Variants in DDI2 observed in about 807,000 individuals in gnomAD.
DDI2 encodes the protein protein DDI1 homolog 2.
DDI2 carries 5 observed loss-of-function variants against 48.1 expected under a neutral mutation model. The observed-to-expected ratio is 0.10, with a 90% CI of 0.05 to 0.22. DDI2 has a LOEUF of 0.22. Ranked by LOEUF, DDI2 falls within the 10% of genes least tolerant of loss-of-function variation. DDI2 has a pLI of 1.00. For missense variants in DDI2, 285 were observed against 506.2 expected (o/e 0.56, Z 4.19); for synonymous variants, 205 against 183.6 (o/e 1.12, Z -0.94).
chr1:15,620,837 G>A (rs1639649020), intron 1 of DDI2, among the ~76,000 whole-genome samples: 1 of 152,172 alleles, frequency 6.6e-6, no homozygotes, highest in Admixed American at 6.6e-5. Flanking sequence ...CTTAAGGAAG[G>A]ACGAACTAAA....
chr1:15,643,422 T>C (rs1466410236), intron 5 of DDI2, 100 bp from the exon 6 acceptor site: 5 of 1,504,746 alleles, frequency 3.3e-6, no homozygotes, highest in Non-Finnish European at 4.5e-6. Flanking sequence ...AGCCTTGGGG[T>C]GTGCTTGGTT....
rs1640448691 is a variant in DDI2 at position 15,666,088 on chromosome 1, T to TC, written c.*6301dup. ...AGAGAAAATAAAAATAGCTTTTTTT[T>TC]CCCTAGAATTGCTAATTACTCTTAA... On this transcript the variant is annotated 3_prime_UTR_variant, in exon 10 of 10. Coordinates refer to ENST00000480945, the MANE Select transcript of DDI2 (RefSeq NM_032341.5). The TC allele has an allele frequency of 6.6e-6, 1 of 152,304 alleles. No individual in the cohort carries two copies. Among genetic ancestry groups the TC allele is most frequent in the East Asian group, 1.9e-4 (1 of 5,194 alleles). 9.4% of individuals were successfully genotyped at this position (152,304 alleles called of 1,614,324 possible). A position where few individuals can be genotyped will look rare whatever the true frequency, so the allele number is the denominator to read the frequency against.
chr1:15,626,545 G>GTGGGAA (rs1639757797), intron 1 of DDI2, 124 bp from the exon 2 acceptor site: 1 of 1,367,542 alleles, frequency 7.3e-7, no homozygotes, highest in East Asian at 2.4e-5. Flanking sequence ...TCTGGATGTG[G>GTGGGAA]TGGGAATCCA....
chr1:15,630,849 T>C lies in DDI2; in HGVS notation c.505+288T>C, dbSNP rs150665153. 8.9e-4 allele frequency among the ~76,000 whole-genome samples: 136 copies of C among 152,330 alleles called. 2 individuals are homozygous for C. The East Asian group carries it at 0.023, about 25-fold the overall frequency. On this transcript the variant is annotated intron_variant, in intron 3 of 9. Transcript: ENST00000480945. ...TAGGTACTGATTTTTGTTTGTTTCT[T>C]TGTTTTTTCTTTGAGACGGAGTCTT...
chr1:15,658,711 G>T (rs1232114295), intron 9 of DDI2, among the ~76,000 whole-genome samples: 2 of 150,640 alleles, frequency 1.3e-5, no homozygotes, highest in Non-Finnish European at 2.9e-5. Flanking sequence ...CTCAGATGGC[G>T]CCATTGTACT....
In DDI2 at chr1:15,630,523, A is replaced by G. The variant is rs368189349; in HGVS notation, c.467A>G (p.Asn156Ser). 2.5e-6 allele frequency: 4 copies of G among 1,614,144 alleles called. No individual in the cohort carries two copies. Among genetic ancestry groups the G allele is most frequent in the Non-Finnish European group, 3.4e-6 (4 of 1,179,978 alleles). Reference protein sequence around the residue: ...PHELSLLKERNPPLAEALLSG... With the variant: ...PHELSLLKERSPPLAEALLSG... ...GAGCTGTCCTTGCTGAAGGAACGCA[A>G]TCCACCCCTGGCAGAAGCTCTGCTC... Residue 156 changes from asparagine to serine, a missense_variant, in exon 3 of 10, where the codon AAT (asparagine) becomes AGT (serine). Around this residue, in one of 3 missense-constraint regions of DDI2, gnomAD observed 149 missense variants for 236.5 expected, o/e 0.63. Transcript: ENST00000480945.
At position 15,661,750 on chromosome 1, in the gene DDI2, C is replaced by T. The variant is rs748636926; in HGVS notation, c.*1960C>T. Reference sequence around the variant, plus strand: ...GTGGGAAAGTGGGCTAGACCGTTCTCCATTCCCTTTAAACAAAAGAAAGCT... The same window carrying T: ...GTGGGAAAGTGGGCTAGACCGTTCTTCATTCCCTTTAAACAAAAGAAAGCT... On this transcript the variant is annotated 3_prime_UTR_variant, in exon 10 of 10. Coordinates refer to ENST00000480945, the MANE Select transcript of DDI2 (RefSeq NM_032341.5). The T allele has an allele frequency of 1.9e-6, 3 of 1,569,496 alleles. No homozygotes were observed. Among genetic ancestry groups the T allele is most frequent in the Non-Finnish European group, 1.7e-6 (2 of 1,158,842 alleles).
At chr1:15,618,795 A>G (rs1383248503) in intron 1 of DDI2, among the ~76,000 whole-genome samples, 1 of 152,246 alleles carries the variant, frequency 6.6e-6, no homozygotes, top group Non-Finnish European at 1.5e-5. Context: ...GAAATAGTCT[A>G]AACATTAAGA....
intron 6 of DDI2, among the ~76,000 whole-genome samples, chr1:15,645,479 C>T (rs1410217948): frequency 2.0e-5 from 3 of 152,322 alleles, no homozygotes; most frequent in East Asian, 1.9e-4. Flanking sequence ...TCAACTTTGT[C>T]TTCCAACCTT....
At chr1:15,620,384 A>G (rs1041950708) in intron 1 of DDI2, among the ~76,000 whole-genome samples, 3 of 152,132 alleles carry the variant, frequency 2.0e-5, no homozygotes, top group Non-Finnish European at 4.4e-5. Context: ...AAACATCACT[A>G]TAGTTTTTAC....
chr1:15,621,066 G>A (rs562714437), intron 1 of DDI2, among the ~76,000 whole-genome samples: 2 of 152,266 alleles, frequency 1.3e-5, no homozygotes, highest in South Asian at 4.2e-4. Flanking sequence ...TTTAGAACAA[G>A]CCATCTCTGC....
At chr1:15,644,760 A>T (rs1340148772) in intron 6 of DDI2, among the ~76,000 whole-genome samples, 1 of 150,188 alleles carries the variant, frequency 6.7e-6, no homozygotes, top group African/African-American at 2.5e-5. Context: ...CACCCGGCTA[A>T]TTTTTTGTAT....
At chr1:15,645,883 A>C (rs868275479) in intron 6 of DDI2, among the ~76,000 whole-genome samples, 1 of 151,792 alleles carries the variant, frequency 6.6e-6, no homozygotes, top group South Asian at 2.1e-4. Flanking sequence ...AAAAAAAAAA[A>C]AGAGTGGGCC....
At chr1:15,629,464 G>A (rs1465513014) in intron 2 of DDI2, among the ~76,000 whole-genome samples, 1 of 151,848 alleles carries the variant, frequency 6.6e-6, no homozygotes, top group South Asian at 2.1e-4. Context: ...GGGCGTAGTG[G>A]CACACGCCTG....
At position 15,617,708 on chromosome 1, in the gene DDI2, C is replaced by G. The variant is rs1384906915; in HGVS notation, c.38C>G (p.Ser13Cys). The change falls in exon 1 of 10, where the codon TCC becomes TGC. Residue 13 changes from serine to cysteine, a missense_variant. Around this residue, in one of 3 missense-constraint regions of DDI2, gnomAD observed 149 missense variants for 236.5 expected, o/e 0.63. Coordinates refer to ENST00000480945, the MANE Select transcript of DDI2 (RefSeq NM_032341.5). Reference sequence around the variant, plus strand: ...GTGTACTGTGTGCGGAGGGACCTCTCCGAGGTGACCTTTTCCCTCCAGGTC... The same window carrying G: ...GTGTACTGTGTGCGGAGGGACCTCTGCGAGGTGACCTTTTCCCTCCAGGTC... ...LTVYCVRRDLSEVTFSLQVDA... is the reference protein window; with the variant it reads ...LTVYCVRRDLCEVTFSLQVDA... The G allele has an allele frequency of 6.2e-7, 1 of 1,610,046 alleles. No individual in the cohort carries two copies. Among genetic ancestry groups the G allele is most frequent in the African/African-American group, 1.3e-5 (1 of 74,834 alleles).
chr1:15,652,991 T>G (rs1040907173), intron 8 of DDI2, among the ~76,000 whole-genome samples: 1 of 151,972 alleles, frequency 6.6e-6, no homozygotes, highest in Non-Finnish European at 1.5e-5. Flanking sequence ...GGCAACAGAG[T>G]GAGACACTAT....
At chr1:15,627,033 T>A (rs1639767535) in intron 2 of DDI2, 1 of 529,594 alleles carries the variant, frequency 1.9e-6, no homozygotes, top group South Asian at 2.5e-5. Context: ...GTGAGGCTAA[T>A]GCATGTAAAA....
intron 5 of DDI2, 87 bp from the exon 6 acceptor site, chr1:15,643,435 C>T (rs560915719): frequency 4.9e-5 from 76 of 1,537,408 alleles, no homozygotes; most frequent in South Asian, 3.6e-4. Context: ...GCTTGGTTTT[C>T]GCTTTGTTAT....
Position 15,660,130 on chromosome 1 carries a change from C to G in DDI2, c.*340C>G. 1 of 1,614,202 alleles carries G rather than the reference C, an allele frequency of 6.2e-7. No homozygotes were observed. The highest frequency in any genetic ancestry group is 8.5e-7 in the Non-Finnish European group (1 of 1,180,032). On this transcript the variant is annotated 3_prime_UTR_variant, in exon 10 of 10. Coordinates refer to ENST00000480945, the MANE Select transcript of DDI2 (RefSeq NM_032341.5). ...TCATGCTTCCTCAGCAGACCATGCT[C>G]CAACAGACCAGAGTCCAGCTATGCC...
Sources: gnomAD v4.1 joint callset for allele counts (sites outside exome capture counted in the v4.1 genomes callset) on GRCh38, gnomAD v4.1.1 for gene constraint, gnomAD v4.1.1 regional missense constraint, MANE v1.5 for transcripts, NCBI Gene and HGNC (gene_info 2026-07-23, HGNC 2026-07-21) for gene names.